ARRB1: variants seen among roughly 807,000 people sequenced by gnomAD.
ARRB1 encodes the protein arrestin beta 1, also known as beta-arrestin-1.
In ARRB1, 21 loss-of-function variants were observed where a neutral mutation model predicts 56.8. That is an observed-to-expected ratio of 0.37 (90% confidence interval 0.26 to 0.53). The LOEUF (loss-of-function observed/expected upper bound fraction) is 0.53, where lower values mean the gene tolerates loss of function less well. ARRB1 is among the 20% of genes least tolerant of loss of function. The pLI, the probability that ARRB1 is intolerant of heterozygous loss-of-function variation, is 0.88. For synonymous variants in ARRB1, 210 were observed against 218.6 expected, an observed-to-expected ratio of 0.96 and a Z score of 0.35; for missense variants, 424 against 553.7, an observed-to-expected ratio of 0.77 and a Z score of 2.35.
intron 1 of ARRB1, among the ~76,000 whole-genome samples, chr11:75,346,305 A>T (rs1265062115): frequency 6.6e-6 from 1 of 152,124 alleles, no homozygotes; most frequent in Non-Finnish European, 1.5e-5. Flanking sequence ...TGTCTTCCCC[A>T]GGACCAGCTC....
At position 75,263,913 on chromosome 11, in the gene ARRB1, G is replaced by T. The variant is rs34824695; in HGVS notation, c.*2250C>A. 6.6e-6 allele frequency among the ~76,000 whole-genome samples: 1 copy of T among 152,204 alleles called. No individual in the cohort carries two copies. The highest frequency in any genetic ancestry group is 2.4e-5 in the African/African-American group (1 of 41,446). On this transcript the variant is annotated 3_prime_UTR_variant, in exon 16 of 16. Transcript: ENST00000420843. ...GAGTTAGGGATAGGGGAAGAAGTCT[G>T]CAGGAAAGAGGTCATCCCAAACACT...
At chr11:75,267,176 G>A (rs1280903879) in intron 15 of ARRB1, among the ~76,000 whole-genome samples, 3 of 152,230 alleles carry the variant, frequency 2.0e-5, no homozygotes, top group Non-Finnish European at 4.4e-5. Flanking sequence ...GTCGGCCCAG[G>A]TCCTCCCCCT....
chr11:75,276,941 G>C (rs1172261432), intron 9 of ARRB1, 30 bp from the exon 10 acceptor site: 3 of 1,610,362 alleles, frequency 1.9e-6, no homozygotes, highest in Non-Finnish European at 2.5e-6. Flanking sequence ...AAGGTGGAGT[G>C]AGTCGGGAAT....
chr11:75,308,388 T>C (rs1947077935), intron 1 of ARRB1, among the ~76,000 whole-genome samples: 1 of 152,240 alleles, frequency 6.6e-6, no homozygotes, highest in African/African-American at 2.4e-5. Context: ...AAATGTTTAC[T>C]GAATGCCTGT....
At chr11:75,320,271 G>A (rs1358417681) in intron 1 of ARRB1, among the ~76,000 whole-genome samples, 1 of 152,176 alleles carries the variant, frequency 6.6e-6, no homozygotes, top group Non-Finnish European at 1.5e-5. Context: ...AAGGTGGGGA[G>A]GGGGCTGGAG....
intron 12 of ARRB1, chr11:75,272,644 T>C (rs1401790516): frequency 2.1e-6 from 1 of 487,668 alleles, no homozygotes; most frequent in Non-Finnish European, 3.7e-6. Flanking sequence ...AGACCTAGGA[T>C]AGAGGAGGAG....
chr11:75,280,921 T>G, intron 7 of ARRB1, 154 bp downstream of exon 7: 3 of 862,670 alleles, frequency 3.5e-6, no homozygotes, highest in Non-Finnish European at 3.6e-6. Flanking sequence ...AAGCCCTCCG[T>G]GACCTCCCAG....
intron 2 of ARRB1, among the ~76,000 whole-genome samples, chr11:75,287,784 G>A (rs978739612): frequency 6.6e-6 from 1 of 152,238 alleles, no homozygotes; most frequent in Admixed American, 6.5e-5. Context: ...AACGCGGGCC[G>A]CGCTGTGTTC....
chr11:75,281,634 G>A, intron 6 of ARRB1: 1 of 370,542 alleles, frequency 2.7e-6, no homozygotes, highest in African/African-American at 2.1e-5. Flanking sequence ...TCTGTGAAAT[G>A]GGGATGATCG....
intron 1 of ARRB1, among the ~76,000 whole-genome samples, chr11:75,350,986 T>C (rs1947839929): frequency 1.3e-5 from 2 of 152,188 alleles, no homozygotes; most frequent in African/African-American, 4.8e-5. Context: ...TGGTGAGACA[T>C]GCCAGCACAA....
intron 1 of ARRB1, among the ~76,000 whole-genome samples, chr11:75,308,777 T>G (rs574940328): frequency 3.3e-5 from 5 of 152,200 alleles, no homozygotes; most frequent in African/African-American, 1.2e-4. Flanking sequence ...AGTAATATTT[T>G]TTTCTGGAGA....
At chr11:75,275,959 T>C (rs1946192574) in intron 10 of ARRB1, among the ~76,000 whole-genome samples, 1 of 152,228 alleles carries the variant, frequency 6.6e-6, no homozygotes, top group Non-Finnish European at 1.5e-5. Flanking sequence ...CAGGAATCTA[T>C]GCCTCATAGC....
intron 14 of ARRB1, among the ~76,000 whole-genome samples, chr11:75,267,956 TTC>T (rs1345058546): frequency 8.5e-5 from 13 of 152,318 alleles, no homozygotes; most frequent in African/African-American, 3.1e-4. Flanking sequence ...TCCTCTAAAC[TTC>T]TGTTTCTTTT....
At chr11:75,297,599 T>C (rs555879533) in intron 1 of ARRB1, among the ~76,000 whole-genome samples, 1 of 152,074 alleles carries the variant, frequency 6.6e-6, no homozygotes, top group South Asian at 2.1e-4. Context: ...GCGCTGTGTC[T>C]CACATCTGTA....
intron 1 of ARRB1, 85 bp from the exon 2 acceptor site, chr11:75,290,124 G>A: frequency 6.4e-7 from 1 of 1,563,416 alleles, no homozygotes; most frequent in South Asian, 1.1e-5. Flanking sequence ...GGCAGGACTG[G>A]GGACCAGGGC....
intron 10 of ARRB1, chr11:75,274,437 C>T (rs951137539): frequency 1.9e-6 from 1 of 540,006 alleles, no homozygotes; most frequent in Non-Finnish European, 3.3e-6. Flanking sequence ...GACTGAATCT[C>T]GGATATTCTA....
rs536964212 is a variant in ARRB1 at position 75,313,818 on chromosome 11, C to G, written c.21-23779G>C. Among the ~76,000 whole-genome samples, 3 of 152,320 alleles carry G rather than the reference C, an allele frequency of 2.0e-5. No homozygotes were observed. In the South Asian group the frequency reaches 6.2e-4, roughly 32 times the overall value. ...GGCCCAAGTTCTCCCAGCTAGTAAGCAGTGGAGTCTGGGTATTCATAATGA... is the reference window on the plus strand; with the variant it reads ...GGCCCAAGTTCTCCCAGCTAGTAAGGAGTGGAGTCTGGGTATTCATAATGA... On this transcript the variant is annotated intron_variant, in intron 1 of 15. Coordinates refer to ENST00000420843, the MANE Select transcript of ARRB1 (RefSeq NM_004041.5).
intron 3 of ARRB1, among the ~76,000 whole-genome samples, chr11:75,285,619 A>G (rs1260719015): frequency 6.6e-6 from 1 of 152,098 alleles, no homozygotes; most frequent in East Asian, 1.9e-4. Context: ...GCCAAATGGC[A>G]GCGTCACTAT....
intron 1 of ARRB1, among the ~76,000 whole-genome samples, chr11:75,347,265 C>A (rs12577286): frequency 0.016 from 2,512 of 152,330 alleles, 57 homozygotes; most frequent in African/African-American, 0.039. Flanking sequence ...CCACTCCCAG[C>A]GGCCCCATGA....
Sources: allele counts gnomAD v4.1 joint callset (sites outside exome capture counted in the v4.1 genomes callset), GRCh38; gene constraint gnomAD v4.1.1; transcripts MANE v1.5; gene names NCBI Gene and HGNC (gene_info 2026-07-23, HGNC 2026-07-21).